RBFOX1: variants seen among roughly 807,000 people sequenced by gnomAD.
RBFOX1 encodes RNA binding fox-1 homolog 1.
A neutral mutation model predicts 57.7 loss-of-function variants in RBFOX1; 8 were observed. That is an observed-to-expected ratio of 0.14 (90% CI 0.08 to 0.25). The LOEUF (loss-of-function observed/expected upper bound fraction) is 0.25, where lower values mean the gene tolerates loss of function less well. Among genes scored for constraint, RBFOX1 ranks in the 10% least tolerant of loss-of-function variants. The probability of loss-of-function intolerance (pLI) is 1.00; values close to 1 mark genes in which losing one functional copy is unlikely to be tolerated. For synonymous variants in RBFOX1, 326 were observed against 222.4 expected (o/e 1.47, Z -4.15); for missense variants, 611 against 548.5 (o/e 1.11, Z -1.14).
At chr16:6,227,689 T>C (rs1251076218) in intron 1 of RBFOX1, among the ~76,000 whole-genome samples, 2 of 152,168 alleles carry the variant, frequency 1.3e-5, no homozygotes, top group Non-Finnish European at 2.9e-5. Flanking sequence ...AACAGGAATA[T>C]TGGAGCATAA....
chr16:5,938,508 A>T (rs981421269), intron 4 of RBFOX1, among the ~76,000 whole-genome samples: 1 of 152,182 alleles, frequency 6.6e-6, no homozygotes, highest in Non-Finnish European at 1.5e-5. Flanking sequence ...AATGTCCCCA[A>T]TTCTCCATAC....
intron 4 of RBFOX1, among the ~76,000 whole-genome samples, chr16:7,196,553 T>C (rs1232729488): frequency 1.3e-5 from 2 of 152,198 alleles, no homozygotes; most frequent in Non-Finnish European, 2.9e-5. Flanking sequence ...ACAAACCCAC[T>C]TCACCCTGAC....
At chr16:5,267,451 C>G (rs896058839) in intron 1 of RBFOX1, among the ~76,000 whole-genome samples, 8 of 152,074 alleles carry the variant, frequency 5.3e-5, no homozygotes, top group African/African-American at 1.9e-4. Flanking sequence ...GTACACTCCA[C>G]CATGCCTGGC....
chr16:5,584,673 A>G (rs2046776160), intron 2 of RBFOX1, among the ~76,000 whole-genome samples: 1 of 152,124 alleles, frequency 6.6e-6, no homozygotes, highest in Non-Finnish European at 1.5e-5. Context: ...TGTGACACAG[A>G]TGGGAGAGGA....
chr16:5,754,174 A>C (rs2053314644), intron 3 of RBFOX1, among the ~76,000 whole-genome samples: 2 of 152,194 alleles, frequency 1.3e-5, no homozygotes, highest in Admixed American at 1.3e-4. Flanking sequence ...AAGCCGGAAT[A>C]GTTTTGAATC....
At chr16:6,325,979 T>G (rs761536712) in intron 2 of RBFOX1, among the ~76,000 whole-genome samples, 3 of 152,212 alleles carry the variant, frequency 2.0e-5, no homozygotes, top group Non-Finnish European at 4.4e-5. Context: ...AATTATGTGC[T>G]GAGAAGGGAT....
At chr16:6,977,382 C>T (rs921123201) in intron 3 of RBFOX1, among the ~76,000 whole-genome samples, 2 of 152,124 alleles carry the variant, frequency 1.3e-5, no homozygotes, top group East Asian at 3.9e-4. Flanking sequence ...ACCGGGATAT[C>T]TGGACACTCG....
intron 3 of RBFOX1, among the ~76,000 whole-genome samples, chr16:6,689,226 T>G (rs2059876530): frequency 1.3e-5 from 2 of 152,016 alleles, no homozygotes; most frequent in African/African-American, 4.8e-5. Flanking sequence ...ATGTCTGGAG[T>G]TTTTGTAGGA....
chr16:7,261,605 A>G (rs1567938359), intron 4 of RBFOX1, among the ~76,000 whole-genome samples: 3 of 152,188 alleles, frequency 2.0e-5, no homozygotes, highest in Admixed American at 1.3e-4. Flanking sequence ...CAGAGGCAGT[A>G]TAGAATGAGG....
intron 2 of RBFOX1, among the ~76,000 whole-genome samples, chr16:5,491,670 C>A (rs1245275485): frequency 6.6e-6 from 1 of 152,166 alleles, no homozygotes; most frequent in African/African-American, 2.4e-5. Context: ...AGGAGCTGGC[C>A]CAGCAGCCAT....
chr16:6,098,022 G>A (rs911485379), intron 1 of RBFOX1, among the ~76,000 whole-genome samples: 4 of 152,124 alleles, frequency 2.6e-5, no homozygotes, highest in Admixed American at 6.5e-5. Context: ...CACGGATGCT[G>A]GTGCTCACTT....
At chr16:6,569,488 GCT>G (rs1277636057) in intron 2 of RBFOX1, among the ~76,000 whole-genome samples, 1 of 152,172 alleles carries the variant, frequency 6.6e-6, no homozygotes, top group African/African-American at 2.4e-5. Context: ...GCTTCCCATA[GCT>G]TATCCTTCAC....
chr16:7,644,627 A>T (rs191234473), intron 11 of RBFOX1, among the ~76,000 whole-genome samples: 8 of 152,352 alleles, frequency 5.3e-5, no homozygotes, highest in Non-Finnish European at 1.5e-5. Flanking sequence ...ACCGTAGTCA[A>T]TACACATATC....
chr16:6,116,070 C>T (rs969115383), intron 1 of RBFOX1, among the ~76,000 whole-genome samples: 6 of 152,130 alleles, frequency 3.9e-5, no homozygotes, highest in African/African-American at 1.4e-4. Context: ...CACATATACA[C>T]CATAGAATGC....
At chr16:6,604,393 A>T (rs1041061707) in intron 2 of RBFOX1, among the ~76,000 whole-genome samples, 1 of 152,104 alleles carries the variant, frequency 6.6e-6, no homozygotes, top group Non-Finnish European at 1.5e-5. Context: ...CCCAAGCAGG[A>T]CTTACAGTCT....
intron 2 of RBFOX1, among the ~76,000 whole-genome samples, chr16:5,569,184 G>T (rs910981664): frequency 3.9e-5 from 6 of 152,060 alleles, no homozygotes; most frequent in Non-Finnish European, 5.9e-5. Flanking sequence ...ACGTGGGGTG[G>T]ACACCTCTCT....
At chr16:5,712,045 AGCAG>A (rs1328968992) in intron 3 of RBFOX1, among the ~76,000 whole-genome samples, 1 of 152,226 alleles carries the variant, frequency 6.6e-6, no homozygotes, top group Non-Finnish European at 1.5e-5. Flanking sequence ...TGGAAGGGAA[AGCAG>A]GCATGTCTTA....
chr16:7,410,655 C>G (rs2098415271), intron 4 of RBFOX1, among the ~76,000 whole-genome samples: 1 of 151,692 alleles, frequency 6.6e-6, no homozygotes, highest in South Asian at 2.1e-4. Flanking sequence ...CCAGCCTGGA[C>G]AACAAGAGCA....
At chr16:6,394,354 G>A (rs2092730152) in intron 2 of RBFOX1, among the ~76,000 whole-genome samples, 1 of 152,158 alleles carries the variant, frequency 6.6e-6, no homozygotes, top group Admixed American at 6.5e-5. Context: ...AAATTATTTT[G>A]TTTTTAAAGG....
Sources: gnomAD v4.1 joint callset for allele counts (sites outside exome capture counted in the v4.1 genomes callset) on GRCh38, gnomAD v4.1.1 for gene constraint, MANE v1.5 for transcripts, NCBI Gene and HGNC (gene_info 2026-07-23, HGNC 2026-07-21) for gene names.